Variants in PXDC1 observed in about 807,000 individuals in gnomAD.
The protein encoded by PXDC1 is PX domain containing 1, also known as PX domain-containing protein 1.
In PXDC1, 13 loss-of-function variants were observed where a neutral mutation model predicts 24.4. The ratio of observed to expected loss-of-function variants is 0.53; its 90% CI spans 0.35 to 0.85. The LOEUF is 0.85. PXDC1 is among the 40% of genes least tolerant of loss of function. The probability of loss-of-function intolerance (pLI) is 0.01; values close to 1 mark genes in which losing one functional copy is unlikely to be tolerated. For synonymous variants in PXDC1, 162 were observed against 124.9 expected, an observed-to-expected ratio of 1.30 and a Z score of -1.98; for missense variants, 344 against 309.3, an observed-to-expected ratio of 1.11 and a Z score of -0.84.
chr6:3,740,204 A>T (rs1017644999), intron 1 of PXDC1, among the ~76,000 whole-genome samples: 3 of 152,228 alleles, frequency 2.0e-5, no homozygotes, highest in Non-Finnish European at 4.4e-5. Context: ...TAATGCTTTT[A>T]TCTTTGCTTT....
intron 3 of PXDC1, among the ~76,000 whole-genome samples, chr6:3,733,121 C>G (rs1200114810): frequency 1.3e-5 from 2 of 152,114 alleles, no homozygotes; most frequent in Non-Finnish European, 2.9e-5. Flanking sequence ...TGAGAGTGAG[C>G]TTTTAAGACA....
chr6:3,744,174 T>C (rs1193025835), intron 1 of PXDC1, among the ~76,000 whole-genome samples: 1 of 152,226 alleles, frequency 6.6e-6, no homozygotes, highest in African/African-American at 2.4e-5. Context: ...AGACTCAACA[T>C]TCTCCAACAG....
intron 1 of PXDC1, among the ~76,000 whole-genome samples, chr6:3,747,287 G>A (rs1013719591): frequency 5.3e-5 from 8 of 152,012 alleles, no homozygotes; most frequent in African/African-American, 1.9e-4. Context: ...CTCCCTCAAT[G>A]CACATCAGCG....
At chr6:3,733,967 C>G (rs1224572660) in intron 3 of PXDC1, among the ~76,000 whole-genome samples, 1 of 152,182 alleles carries the variant, frequency 6.6e-6, no homozygotes, top group African/African-American at 2.4e-5. Flanking sequence ...ATTCATCTTG[C>G]TGCATCCCGG....
intron 1 of PXDC1, among the ~76,000 whole-genome samples, chr6:3,743,717 G>A (rs1407572391): frequency 6.6e-6 from 1 of 152,214 alleles, no homozygotes; most frequent in Non-Finnish European, 1.5e-5. Context: ...ATCCGAGACT[G>A]ACACGTTTCC....
At chr6:3,743,024 G>C (rs1760483233) in intron 1 of PXDC1, among the ~76,000 whole-genome samples, 1 of 152,236 alleles carries the variant, frequency 6.6e-6, no homozygotes, top group Non-Finnish European at 1.5e-5. Flanking sequence ...CTGACAGTGA[G>C]AGCCAACGTT....
intron 3 of PXDC1, among the ~76,000 whole-genome samples, chr6:3,735,261 G>A (rs1760288600): frequency 6.6e-6 from 1 of 152,134 alleles, no homozygotes. Context: ...AAGACACATA[G>A]ACCAATGGAA....
In PXDC1 at chr6:3,737,299, T is replaced by TAGAGGGCCCCGCTCCTCC; in HGVS notation, c.349-104_349-103insGGAGGAGCGGGGCCCTCT. ...CGCTCCTCCGCAGAGGCAGCCTGTG[T>TAGAGGGCCCCGCTCCTCC]GATGCAAACGCCCCATGAATGTCCA... On this transcript the variant is annotated intron_variant, in intron 2 of 4. Coordinates refer to ENST00000380283, the MANE Select transcript of PXDC1 (RefSeq NM_183373.4). This position sits in a 1 kb window ranked among gnomAD's most constrained non-coding sequence, Gnocchi z 5.5. 1.3e-6 allele frequency: 1 copy of TAGAGGGCCCCGCTCCTCC among 799,638 alleles called. No individual in the cohort carries two copies. The allele number at this position is 799,638 out of a possible 1,614,324, so 49.5% of individuals were successfully genotyped here. A position where few individuals can be genotyped will look rare whatever the true frequency, so the allele number is the denominator to read the frequency against.
chr6:3,734,582 A>G (rs1425416230), intron 3 of PXDC1, among the ~76,000 whole-genome samples: 1 of 152,154 alleles, frequency 6.6e-6, no homozygotes, highest in Non-Finnish European at 1.5e-5. Context: ...GCCAGGAAAA[A>G]GGACCCAGTC....
rs567091409 is a variant in PXDC1, at chr6:3,749,993, G to C, written c.256+1283C>G. ...TCCAAGGAAAACTGCTTCCATGCTTGAAATAACACCCAACTGTCTGGAGAA... is the reference window on the plus strand; with the variant it reads ...TCCAAGGAAAACTGCTTCCATGCTTCAAATAACACCCAACTGTCTGGAGAA... On this transcript the variant is annotated intron_variant, in intron 1 of 4. Transcript: ENST00000380283. Among the ~76,000 whole-genome samples the C allele has an allele frequency of 5.3e-5, 8 of 152,350 alleles. No homozygotes were observed. The South Asian group carries it at 1.7e-3, about 32-fold the overall frequency.
chr6:3,728,730 G>A lies in PXDC1; in HGVS notation c.467-1068C>T, dbSNP rs573411924. On this transcript the variant is annotated intron_variant, in intron 3 of 4. Transcript: ENST00000380283. The surrounding 1 kb of genome is among the most constrained non-coding windows in gnomAD (Gnocchi z 4.0). ...CTGAAATCCCATGAACTCCTGGATC[G>A]CATCATGCCATCTGGTCCATCTAGG... Among the ~76,000 whole-genome samples the A allele has an allele frequency of 2.6e-5, 4 of 152,150 alleles. No individual in the cohort carries two copies. The highest frequency in any genetic ancestry group is 6.5e-5 in the Admixed American group (1 of 15,280).
At chr6:3,749,524 G>A (rs552867563) in intron 1 of PXDC1, among the ~76,000 whole-genome samples, 1 of 146,408 alleles carries the variant, frequency 6.8e-6, no homozygotes, top group African/African-American at 2.5e-5. Flanking sequence ...CAAAAGAGGC[G>A]GAGCCAGGGT....
rs1310224448 is a variant in PXDC1, at chr6:3,751,571, C to A, written c.-40G>T. ...CCCGCCAAGGGCTCCCCAGCCCCGCCGCCCGCCCGCCCGCAGGAGGCGCGC... is the reference window on the plus strand; with the variant it reads ...CCCGCCAAGGGCTCCCCAGCCCCGCAGCCCGCCCGCCCGCAGGAGGCGCGC... On this transcript the variant is annotated 5_prime_UTR_variant, in exon 1 of 5. Transcript: ENST00000380283. 3 of 1,456,870 alleles carry A rather than the reference C, an allele frequency of 2.1e-6. No individual in the cohort carries two copies. The highest frequency in any genetic ancestry group is 2.6e-5 in the Admixed American group (1 of 38,860). 90.2% of individuals were successfully genotyped at this position (1,456,870 alleles called of 1,614,324 possible). A position where few individuals can be genotyped will look rare whatever the true frequency, so the allele number is the denominator to read the frequency against.
rs1007294311 is a variant in PXDC1 at position 3,724,552 on chromosome 6, C to T, written c.579-816G>A. Among the ~76,000 whole-genome samples the T allele has an allele frequency of 6.6e-6, 1 of 152,134 alleles. No individual in the cohort carries two copies. Among genetic ancestry groups the T allele is most frequent in the South Asian group, 2.1e-4 (1 of 4,832 alleles). ...GGAAGGGGGACAGAGCTGTACGGCT[C>T]GTGGGATTTTCCTCCACCTATGAAT... On this transcript the variant is annotated intron_variant, in intron 4 of 4. Transcript: ENST00000380283. This position sits in a 1 kb window ranked among gnomAD's most constrained non-coding sequence, Gnocchi z 4.5.
At position 3,751,210 on chromosome 6, in the gene PXDC1, C is replaced by T. The variant is rs186146460; in HGVS notation, c.256+66G>A. The T allele has an allele frequency of 1.7e-4, 211 of 1,232,808 alleles. 1 individual carries two copies. The African/African-American group carries it at 2.9e-3, about 17-fold the overall frequency. 76.4% of individuals were successfully genotyped at this position (1,232,808 alleles called of 1,614,324 possible). ...CGCAATCTCGGTTGAAGTCTCTTCC[C>T]CGCCTCCTTCGTGCACTTCAAGGCT... On this transcript the variant is annotated intron_variant, in intron 1 of 4. Transcript: ENST00000380283.
chr6:3,741,299 CTG>C (rs1188595860), intron 1 of PXDC1, among the ~76,000 whole-genome samples: 1 of 152,240 alleles, frequency 6.6e-6, no homozygotes, highest in African/African-American at 2.4e-5. Context: ...GGAAGCCAAA[CTG>C]TGTTCCTTGG....
At chr6:3,727,711 AG>A in intron 3 of PXDC1, 49 bp from the exon 4 acceptor site, 1 of 1,303,098 alleles carries the variant, frequency 7.7e-7, no homozygotes, top group Non-Finnish European at 1.1e-6. Context: ...TCGGAGCTTG[AG>A]GTTTTGGAGT....
At chr6:3,726,314 T>C (rs190862942) in intron 4 of PXDC1, among the ~76,000 whole-genome samples, 59 of 152,316 alleles carry the variant, frequency 3.9e-4, no homozygotes, top group Middle Eastern at 3.4e-3. Context: ...CCTGTTGGCA[T>C]GGGGGACCCA....
chr6:3,738,894 A>G (rs116428107), intron 1 of PXDC1: 15,000 of 1,302,688 alleles, frequency 0.012, 128 homozygotes, highest in Non-Finnish European at 0.012. Flanking sequence ...TCGGCTTTGC[A>G]GGGATGGGGA....
Sources: allele counts gnomAD v4.1 joint callset (sites outside exome capture counted in the v4.1 genomes callset), GRCh38; gene constraint gnomAD v4.1.1; non-coding constraint Gnocchi (gnomAD v3.1); transcripts MANE v1.5; gene names NCBI Gene and HGNC (gene_info 2026-07-23, HGNC 2026-07-21).